The following RCC2 variants were observed in gnomAD, a reference collection of about 807,000 sequenced individuals.
RCC2 encodes regulator of chromosome condensation 2.
In RCC2, 19 loss-of-function variants were observed where a neutral mutation model predicts 64.1. The ratio of observed to expected loss-of-function variants is 0.30; its 90% CI spans 0.21 to 0.44. The LOEUF (loss-of-function observed/expected upper bound fraction) is 0.44, where lower values mean the gene tolerates loss of function less well. Among genes scored for constraint, RCC2 ranks in the 20% least tolerant of loss-of-function variants. RCC2 has a pLI of 1.00. For synonymous variants in RCC2, 325 were observed against 279.6 expected (o/e 1.16, Z -1.62); for missense variants, 508 against 710.4 (o/e 0.72, Z 3.24).
chr1:17,438,615 C>A, intron 1 of RCC2, 93 bp from the exon 2 acceptor site: 1 of 1,174,248 alleles, frequency 8.5e-7, no homozygotes, highest in Non-Finnish European at 1.1e-6. Flanking sequence ...GCCTCCACTT[C>A]CTCCTCTGCC....
At chr1:17,419,839 C>G in intron 7 of RCC2, among the ~76,000 whole-genome samples, 1 of 152,228 alleles carries the variant, frequency 6.6e-6, no homozygotes, top group East Asian at 1.9e-4. Flanking sequence ...TCTCGGGCTC[C>G]ACCACGGCAA....
intron 2 of RCC2, among the ~76,000 whole-genome samples, chr1:17,435,918 CAAAAA>C (rs57932179): frequency 4.5e-5 from 4 of 88,248 alleles, no homozygotes; most frequent in African/African-American, 4.0e-5. Context: ...AACTCCAGCT[CAAAAA>C]AAAAAAAAAA....
chr1:17,438,207 C>G, intron 2 of RCC2, 23 bp downstream of exon 2: 2 of 1,237,516 alleles, frequency 1.6e-6, no homozygotes, highest in Non-Finnish European at 2.0e-6. Flanking sequence ...TGCGCCCACC[C>G]GTCTACCCTG....
chr1:17,420,161 G>A (rs2075540026), intron 7 of RCC2, among the ~76,000 whole-genome samples: 1 of 152,164 alleles, frequency 6.6e-6, no homozygotes, highest in Non-Finnish European at 1.5e-5. Context: ...CATCAGGTCG[G>A]AAGACACTCC....
At chr1:17,420,241 GACA>G (rs2075541096) in intron 7 of RCC2, among the ~76,000 whole-genome samples, 1 of 152,172 alleles carries the variant, frequency 6.6e-6, no homozygotes. Flanking sequence ...CAAGTTTCTG[GACA>G]ACTAGATTCT....
chr1:17,417,485 C>T (rs115958502), intron 7 of RCC2, among the ~76,000 whole-genome samples: 2 of 152,288 alleles, frequency 1.3e-5, no homozygotes, highest in African/African-American at 4.8e-5. Context: ...CTGGCCAACA[C>T]AGTGAAGGCC....
Position 17,431,352 on chromosome 1 carries a change from A to T in RCC2, c.286-2153T>A, listed in dbSNP as rs1234166009. Reference sequence around the variant, plus strand: ...CCATCTCAAAAAAAAAAAAAAAAAAAAAAAAAAATATATATATATATATAT... The same window carrying T: ...CCATCTCAAAAAAAAAAAAAAAAAATAAAAAAAATATATATATATATATAT... On this transcript the variant is annotated intron_variant, in intron 2 of 12. Transcript: ENST00000375436. Among the ~76,000 whole-genome samples, 248 of 92,764 alleles carry T rather than the reference A, an allele frequency of 2.7e-3. 8 individuals carry two copies. The highest frequency in any genetic ancestry group is 9.3e-3 in the Middle Eastern group (2 of 216). The allele number at this position is 92,764 out of a possible 152,430, so 60.9% of individuals were successfully genotyped here. A position where few individuals can be genotyped will look rare whatever the true frequency, so the allele number is the denominator to read the frequency against.
chr1:17,416,531 C>G lies in RCC2; in HGVS notation c.975G>C (p.Leu325=), dbSNP rs745859360. 2 of 1,613,934 alleles carry G rather than the reference C, an allele frequency of 1.2e-6. No individual in the cohort carries two copies. Among genetic ancestry groups the G allele is most frequent in the Non-Finnish European group, 1.7e-6 (2 of 1,180,038 alleles). The change falls in exon 8 of 13, where the codon CTG becomes CTC. Residue 325 remains leucine, a synonymous_variant. Coordinates refer to ENST00000375436, the MANE Select transcript of RCC2 (RefSeq NM_018715.4). ...CTCGTACAACCACGTTTGGTACAGG[C>G]AGAATCTGTCCATCTTTCGTCTTCT... ...FIEKTKDGQI[L]PVPNVVVRDV... is the part of the protein sequence containing the mutation.
intron 7 of RCC2, among the ~76,000 whole-genome samples, chr1:17,417,309 G>C (rs2075498475): frequency 6.6e-6 from 1 of 152,210 alleles, no homozygotes; most frequent in African/African-American, 2.4e-5. Flanking sequence ...AGCTCCTGCA[G>C]CCACCTGCAG....
At chr1:17,421,338 T>C (rs1036998854) in intron 6 of RCC2, among the ~76,000 whole-genome samples, 12 of 151,892 alleles carry the variant, frequency 7.9e-5, no homozygotes, top group African/African-American at 2.9e-4. Context: ...CTACTAAAAA[T>C]ACAAAAATTA....
At chr1:17,419,996 G>A (rs1232536688) in intron 7 of RCC2, among the ~76,000 whole-genome samples, 1 of 152,218 alleles carries the variant, frequency 6.6e-6, no homozygotes, top group Non-Finnish European at 1.5e-5. Flanking sequence ...TCTGCCAGGC[G>A]CTGCGGCTGC....
chr1:17,409,495 C>T (rs540022465), intron 12 of RCC2, among the ~76,000 whole-genome samples: 4 of 152,198 alleles, frequency 2.6e-5, no homozygotes, highest in Non-Finnish European at 5.9e-5. Context: ...CCATCCCCCC[C>T]CTCTCTGGCT....
intron 2 of RCC2, among the ~76,000 whole-genome samples, chr1:17,432,959 AAAAAAG>A (rs145508904): frequency 0.028 from 4,257 of 152,110 alleles, 134 homozygotes; most frequent in South Asian, 0.12. Context: ...CTCCATCTTA[AAAAAAG>A]AAAAAGAAAA....
intron 8 of RCC2, among the ~76,000 whole-genome samples, chr1:17,414,407 G>A (rs1311907512): frequency 1.3e-5 from 2 of 151,860 alleles, no homozygotes. Context: ...GTGTGCACCT[G>A]TAATCCCAGC....
intron 7 of RCC2, among the ~76,000 whole-genome samples, chr1:17,416,847 G>A (rs1436267772): frequency 6.6e-6 from 1 of 152,212 alleles, no homozygotes; most frequent in Non-Finnish European, 1.5e-5. Context: ...AATCAATTTT[G>A]TGAGCTAAGA....
chr1:17,413,011 G>A (rs2075443592), intron 10 of RCC2, 62 bp downstream of exon 10: 2 of 1,259,236 alleles, frequency 1.6e-6, no homozygotes, highest in Non-Finnish European at 2.3e-6. Context: ...CACCCCATGG[G>A]TGTGTCTGAC....
At chr1:17,435,106 TG>T (rs1291023228) in intron 2 of RCC2, among the ~76,000 whole-genome samples, 1 of 151,730 alleles carries the variant, frequency 6.6e-6, no homozygotes, top group African/African-American at 2.4e-5. Flanking sequence ...CCATCTGGGG[TG>T]GGGGGTGCGG....
intron 2 of RCC2, among the ~76,000 whole-genome samples, chr1:17,437,688 C>G (rs892206894): frequency 1.0e-3 from 1 of 996 alleles, no homozygotes; most frequent in Non-Finnish European, 2.1e-3. Context: ...GCGCGGCGGC[C>G]GTCAGGCCCC....
rs2075396289 is a variant in RCC2, at chr1:17,409,036, A to G, written c.*54T>C. On this transcript the variant is annotated 3_prime_UTR_variant, in exon 13 of 13. Transcript: ENST00000375436. ...CGTTTGACTTCCCGTCCCAGTGCAC[A>G]TGGAAATGACAGCTGCCGCGAGAGG... is the stretch of plus-strand genomic sequence containing the variant. 8 of 1,310,496 alleles carry G rather than the reference A, an allele frequency of 6.1e-6. No individual in the cohort carries two copies. The highest frequency in any genetic ancestry group is 2.0e-4 in the Middle Eastern group (1 of 4,988). The allele number at this position is 1,310,496 out of a possible 1,614,324, so 81.2% of individuals were successfully genotyped here. A position where few individuals can be genotyped will look rare whatever the true frequency, so the allele number is the denominator to read the frequency against.
Sources: gnomAD v4.1 joint callset for allele counts (sites outside exome capture counted in the v4.1 genomes callset) on GRCh38, gnomAD v4.1.1 for gene constraint, MANE v1.5 for transcripts, NCBI Gene and HGNC (gene_info 2026-07-23, HGNC 2026-07-21) for gene names.